HTR2C: variants seen among roughly 807,000 people sequenced by gnomAD.
HTR2C encodes 5-hydroxytryptamine (serotonin) receptor 2C, G protein-coupled.
HTR2C carries 5 observed loss-of-function variants against 21.0 expected under a neutral mutation model. That is an observed-to-expected ratio of 0.24 (90% CI 0.12 to 0.50). The LOEUF (loss-of-function observed/expected upper bound fraction) is 0.50, where lower values mean the gene tolerates loss of function less well. Ranked by LOEUF, HTR2C falls within the 20% of genes least tolerant of loss-of-function variation. The pLI is 0.98. For missense variants in HTR2C, 271 were observed against 371.2 expected (o/e 0.73, Z 2.22); for synonymous variants, 150 against 145.3 (o/e 1.03, Z -0.23).
At chrX:114,637,082 C>T (rs889384221) in intron 2 of HTR2C, among the ~76,000 whole-genome samples, 1 of 111,322 alleles carries the variant, frequency 9.0e-6, no homozygotes, top group Non-Finnish European at 1.9e-5. Context: ...TAAGAAATTT[C>T]TACTAGCTTT....
intron 2 of HTR2C, among the ~76,000 whole-genome samples, chrX:114,621,716 G>A (rs1037358050): frequency 8.9e-6 from 1 of 111,887 alleles, no homozygotes; most frequent in Non-Finnish European, 1.9e-5. Context: ...AGACAAAGAT[G>A]TAAGCCAGCA....
At chrX:114,586,094 A>G (rs1452142829) in intron 1 of HTR2C, among the ~76,000 whole-genome samples, 1 of 112,088 alleles carries the variant, frequency 8.9e-6, no homozygotes, top group East Asian at 2.8e-4. Context: ...TATGAGTGCA[A>G]TAGAAACAAG....
At chrX:114,895,337 TATCATA>T (rs1184066523) in intron 5 of HTR2C, among the ~76,000 whole-genome samples, 1 of 112,045 alleles carries the variant, frequency 8.9e-6, no homozygotes, top group Non-Finnish European at 1.9e-5. Context: ...TCATGCAACT[TATCATA>T]ATTGATCATA....
chrX:114,806,756 TATATATAC>T (rs2070453320), intron 4 of HTR2C, among the ~76,000 whole-genome samples: 1 of 76,674 alleles, frequency 1.3e-5, no homozygotes, highest in African/African-American at 5.9e-5. Flanking sequence ...ATATACACCA[TATATATAC>T]ACACCATATA....
In HTR2C at chrX:114,807,364, T is replaced by TGTATATACGCC. The variant is rs2070481075; in HGVS notation, c.350-40639_350-40638insGTATATACGCC. Among the ~76,000 whole-genome samples the TGTATATACGCC allele has an allele frequency of 3.7e-4, 11 of 29,767 alleles. 1 individual carries two copies. The highest frequency in any genetic ancestry group is 1.2e-3 in the African/African-American group (11 of 9,448). The allele number at this position is 29,767 out of a possible 115,157, so 25.8% of individuals were successfully genotyped here. ...GTATCTATACCATATATATACACCA[T>TGTATATACGCC]ATATCTATACCATATATATACGCCA... On this transcript the variant is annotated intron_variant, in intron 4 of 5. Coordinates refer to ENST00000276198, the MANE Select transcript of HTR2C (RefSeq NM_000868.4).
chrX:114,714,564 G>A (rs370519553), intron 2 of HTR2C, among the ~76,000 whole-genome samples: 7 of 111,738 alleles, frequency 6.3e-5, no homozygotes, highest in East Asian at 2.8e-4. Context: ...AGTCACTTTC[G>A]CATTCCTTTC....
intron 4 of HTR2C, among the ~76,000 whole-genome samples, chrX:114,806,367 G>GTATATATACACACCATATATATACCA (rs2070435266): frequency 3.9e-4 from 7 of 17,859 alleles, no homozygotes; most frequent in African/African-American, 1.1e-3. Flanking sequence ...TATATATACC[G>GTATATATACACACCATATATATACCA]TATATATACA....
At chrX:114,727,046 T>A in intron 3 of HTR2C, 75 bp downstream of exon 3, 1 of 587,354 alleles carries the variant, frequency 1.7e-6, no homozygotes, top group Non-Finnish European at 2.5e-6. Flanking sequence ...GTTAAAAAAA[T>A]GCTTCTATAT....
At chrX:114,644,301 G>T (rs1023774366) in intron 2 of HTR2C, among the ~76,000 whole-genome samples, 6 of 96,320 alleles carry the variant, frequency 6.2e-5, no homozygotes, top group Non-Finnish European at 1.2e-4. Context: ...AGTAGAGATT[G>T]CTCCACTGCA....
At chrX:114,729,928 G>T (rs1423808856) in intron 3 of HTR2C, among the ~76,000 whole-genome samples, 1 of 111,323 alleles carries the variant, frequency 9.0e-6, no homozygotes, top group African/African-American at 3.3e-5. Context: ...GCAACCAGAG[G>T]CAATTTTCTC....
At chrX:114,708,700 G>C (rs186046410) in intron 2 of HTR2C, among the ~76,000 whole-genome samples, 1 of 110,830 alleles carries the variant, frequency 9.0e-6, no homozygotes, top group Non-Finnish European at 1.9e-5. Flanking sequence ...CTACCTACTA[G>C]GTAGGCTGAG....
At chrX:114,765,147 G>C (rs781804677) in intron 4 of HTR2C, among the ~76,000 whole-genome samples, 24 of 108,554 alleles carry the variant, frequency 2.2e-4, no homozygotes, top group Admixed American at 9.1e-4. Flanking sequence ...AAAATGCTGA[G>C]AATACAATCA....
chrX:114,685,210 T>A lies in HTR2C; in HGVS notation c.-79-41648T>A, dbSNP rs185612586. Among the ~76,000 whole-genome samples the A allele has an allele frequency of 1.9e-3, 215 of 112,043 alleles. 1 individual carries two copies. Among genetic ancestry groups the A allele is most frequent in the Non-Finnish European group, 3.3e-3 (175 of 53,135 alleles). On this transcript the variant is annotated intron_variant, in intron 2 of 5. Transcript: ENST00000276198. ...CCACTATAATGTATTAGTGAACCAG[T>A]TAGCAGCTGTAAGATTGAGTAATAT...
intron 1 of HTR2C, among the ~76,000 whole-genome samples, chrX:114,601,692 G>C (rs1222676749): frequency 9.2e-6 from 1 of 108,770 alleles, no homozygotes; most frequent in African/African-American, 3.4e-5. Flanking sequence ...CAGGGGATGC[G>C]ATGGCTTGGC....
At chrX:114,866,650 A>G (rs2071048811) in intron 5 of HTR2C, among the ~76,000 whole-genome samples, 1 of 108,418 alleles carries the variant, frequency 9.2e-6, no homozygotes, top group Non-Finnish European at 1.9e-5. Flanking sequence ...CCCCACAACC[A>G]CCAACTACTC....
intron 4 of HTR2C, among the ~76,000 whole-genome samples, chrX:114,766,219 T>C (rs1486253120): frequency 9.0e-6 from 1 of 111,613 alleles, no homozygotes; most frequent in Non-Finnish European, 1.9e-5. Flanking sequence ...AACAAGTTAC[T>C]CAAAATCTGA....
intron 2 of HTR2C, among the ~76,000 whole-genome samples, chrX:114,697,518 C>T (rs1383703832): frequency 8.9e-6 from 1 of 111,742 alleles, no homozygotes; most frequent in African/African-American, 3.2e-5. Context: ...AATTCTAAGC[C>T]TGAATCTTCC....
intron 5 of HTR2C, among the ~76,000 whole-genome samples, chrX:114,860,978 AG>A (rs782459319): frequency 1.3e-4 from 15 of 111,622 alleles, no homozygotes; most frequent in Non-Finnish European, 2.5e-4. Context: ...GATAGTAAAA[AG>A]GTTACTATAG....
intron 2 of HTR2C, among the ~76,000 whole-genome samples, chrX:114,622,982 G>A (rs1282977532): frequency 9.0e-6 from 1 of 111,394 alleles, no homozygotes; most frequent in Non-Finnish European, 1.9e-5. Flanking sequence ...GTTAGAAAGG[G>A]TAGCAAATAT....
Sources: allele counts gnomAD v4.1 joint callset (sites outside exome capture counted in the v4.1 genomes callset), GRCh38; gene constraint gnomAD v4.1.1; transcripts MANE v1.5; gene names NCBI Gene and HGNC (gene_info 2026-07-23, HGNC 2026-07-21).